Variants in KCNQ3 observed in about 807,000 individuals in gnomAD.
KCNQ3 encodes the protein potassium voltage-gated channel subfamily Q member 3.
In KCNQ3, 30 loss-of-function variants were observed where a neutral mutation model predicts 92.5. That is an observed-to-expected ratio of 0.32 (90% CI 0.24 to 0.44). The LOEUF is 0.44. KCNQ3 is among the 20% of genes least tolerant of loss of function. The pLI is 1.00. For missense variants in KCNQ3, 913 were observed against 1,140.3 expected, an observed-to-expected ratio of 0.80 and a Z score of 2.87; for synonymous variants, 450 against 468.8, an observed-to-expected ratio of 0.96 and a Z score of 0.52.
chr8:132,350,340 C>T (rs184448558), intron 1 of KCNQ3, among the ~76,000 whole-genome samples: 41 of 152,288 alleles, frequency 2.7e-4, no homozygotes, highest in African/African-American at 8.7e-4. Flanking sequence ...TGCTCTAACT[C>T]GCCCTAGCTG....
At chr8:132,396,440 A>T (rs1294347279) in intron 1 of KCNQ3, among the ~76,000 whole-genome samples, 2 of 151,460 alleles carry the variant, frequency 1.3e-5, no homozygotes, top group African/African-American at 2.4e-5. Flanking sequence ...AAAAAAAAAA[A>T]CCCAGAGCCT....
chr8:132,267,675 C>G (rs889620515), intron 1 of KCNQ3, among the ~76,000 whole-genome samples: 7 of 152,178 alleles, frequency 4.6e-5, no homozygotes, highest in African/African-American at 1.7e-4. Flanking sequence ...TATCAGAACT[C>G]CCTAGAAGGC....
chr8:132,349,267 C>T (rs1818787719), intron 1 of KCNQ3, among the ~76,000 whole-genome samples: 1 of 152,202 alleles, frequency 6.6e-6, no homozygotes, highest in South Asian at 2.1e-4. Flanking sequence ...TTCTATTCCA[C>T]TTTAATGGGG....
chr8:132,286,782 A>G (rs73358987), intron 1 of KCNQ3, among the ~76,000 whole-genome samples: 3,921 of 152,288 alleles, frequency 0.026, 185 homozygotes, highest in African/African-American at 0.089. Context: ...CTTTTAAGAG[A>G]TGGTTAGGTC....
chr8:132,441,756 C>T (rs2130838440), intron 1 of KCNQ3, among the ~76,000 whole-genome samples: 2 of 152,262 alleles, frequency 1.3e-5, no homozygotes, highest in South Asian at 4.1e-4. Flanking sequence ...ATAAGCATTC[C>T]TTTTTCTCTG....
chr8:132,344,948 A>G (rs1818639249), intron 1 of KCNQ3, among the ~76,000 whole-genome samples: 1 of 152,182 alleles, frequency 6.6e-6, no homozygotes, highest in Admixed American at 6.5e-5. Flanking sequence ...AGGAGAGGAC[A>G]AAGAGCTGAG....
At chr8:132,158,752 T>C (rs1825887388) in intron 9 of KCNQ3, among the ~76,000 whole-genome samples, 2 of 152,230 alleles carry the variant, frequency 1.3e-5, no homozygotes, top group Admixed American at 6.5e-5. Context: ...AGGGTGGTTA[T>C]GAAGAAGAGT....
chr8:132,155,103 T>G (rs1391130771), intron 9 of KCNQ3, among the ~76,000 whole-genome samples: 4 of 152,190 alleles, frequency 2.6e-5, no homozygotes, highest in Admixed American at 1.3e-4. Flanking sequence ...CTGTTTCACC[T>G]GCCCCTGTGT....
At chr8:132,169,143 T>A (rs1021910413) in intron 8 of KCNQ3, among the ~76,000 whole-genome samples, 4 of 152,208 alleles carry the variant, frequency 2.6e-5, no homozygotes, top group African/African-American at 9.7e-5. Context: ...GAAAGTAGCC[T>A]GGGAGTTTAA....
At chr8:132,393,866 T>C (rs987410538) in intron 1 of KCNQ3, among the ~76,000 whole-genome samples, 4 of 152,200 alleles carry the variant, frequency 2.6e-5, no homozygotes, top group African/African-American at 9.7e-5. Flanking sequence ...TCTTGTTGCA[T>C]GCTCTATGAA....
chr8:132,272,144 T>C (rs544310438), intron 1 of KCNQ3, among the ~76,000 whole-genome samples: 2 of 152,336 alleles, frequency 1.3e-5, no homozygotes, highest in African/African-American at 4.8e-5. Flanking sequence ...TGAGCCTCAG[T>C]TTTTAAATCT....
chr8:132,422,204 C>T (rs896833753), intron 1 of KCNQ3, among the ~76,000 whole-genome samples: 1 of 152,118 alleles, frequency 6.6e-6, no homozygotes, highest in Non-Finnish European at 1.5e-5. Context: ...AATGCAGTTG[C>T]TCCAATCAGA....
At chr8:132,314,975 A>G (rs1000052359) in intron 1 of KCNQ3, among the ~76,000 whole-genome samples, 2 of 152,232 alleles carry the variant, frequency 1.3e-5, no homozygotes, top group Non-Finnish European at 2.9e-5. Flanking sequence ...GTGACAGGGA[A>G]TGTCAAGAAA....
intron 1 of KCNQ3, among the ~76,000 whole-genome samples, chr8:132,470,501 G>A (rs546967602): frequency 2.8e-4 from 43 of 152,114 alleles, no homozygotes; most frequent in African/African-American, 8.7e-4. Flanking sequence ...TATATGTGCC[G>A]AACCATTTGA....
At chr8:132,188,171 C>T (rs145989764) in intron 1 of KCNQ3, among the ~76,000 whole-genome samples, 6 of 152,252 alleles carry the variant, frequency 3.9e-5, no homozygotes, top group African/African-American at 9.6e-5. Context: ...TGGCAGATCC[C>T]GGTCATCTCA....
chr8:132,393,467 G>A (rs1206945502), intron 1 of KCNQ3, among the ~76,000 whole-genome samples: 1 of 152,154 alleles, frequency 6.6e-6, no homozygotes, highest in African/African-American at 2.4e-5. Flanking sequence ...CAAAGAGTAT[G>A]GCTGGGTTCC....
intron 1 of KCNQ3, among the ~76,000 whole-genome samples, chr8:132,456,491 T>C (rs60920622): frequency 0.07 from 10,658 of 151,446 alleles, 651 homozygotes; most frequent in African/African-American, 0.16. Flanking sequence ...GTGTGCAGTT[T>C]GTGTTTAGGT....
intron 1 of KCNQ3, among the ~76,000 whole-genome samples, chr8:132,252,878 A>G (rs1201258637): frequency 6.6e-6 from 1 of 152,184 alleles, no homozygotes; most frequent in East Asian, 1.9e-4. Flanking sequence ...GTGTTCTTCT[A>G]TCCATCACAG....
chr8:132,430,113 G>C (rs977055051), intron 1 of KCNQ3, among the ~76,000 whole-genome samples: 1 of 152,140 alleles, frequency 6.6e-6, no homozygotes, highest in Non-Finnish European at 1.5e-5. Context: ...ATCTCAACCA[G>C]AGAGGCCTCT....
Sources: gnomAD v4.1 joint callset for allele counts (sites outside exome capture counted in the v4.1 genomes callset) on GRCh38, gnomAD v4.1.1 for gene constraint, MANE v1.5 for transcripts, NCBI Gene and HGNC (gene_info 2026-07-23, HGNC 2026-07-21) for gene names.